The following COMMD5 variants were observed in gnomAD, a reference collection of about 807,000 sequenced individuals.
COMMD5 encodes COMM domain-containing protein 5.
A neutral mutation model predicts 6.9 loss-of-function variants in COMMD5; 10 were observed. The ratio of observed to expected loss-of-function variants is 1.44; its 90% CI spans 0.89 to 2.45. The LOEUF (loss-of-function observed/expected upper bound fraction) is 2.45. Among genes scored for constraint, COMMD5 ranks in the 30% most tolerant of loss-of-function variants. The pLI is 0.00. For synonymous variants in COMMD5, 127 were observed against 125.3 expected (o/e 1.01, Z -0.09); for missense variants, 234 against 287.8 (o/e 0.81, Z 1.35).
chr8:144,838,365 C>T (rs1222733413), downstream of COMMD5: 2 of 544,776 alleles, frequency 3.7e-6, no homozygotes, highest in Non-Finnish European at 6.6e-6. Flanking sequence ...ATCTTGGGGT[C>T]CTCAGCCCTA....
At position 144,850,425 on chromosome 8, in the gene COMMD5, T is replaced by C; in HGVS notation, c.*239A>G. On this transcript the variant is annotated 3_prime_UTR_variant, in exon 2 of 2. Transcript: ENST00000305103. This position sits in a 1 kb window ranked among gnomAD's most constrained non-coding sequence, Gnocchi z 4.0. ...GACAAATGTACAGGGAAGGGGAGGG[T>C]GTGAGGTCCAACACTCACCTATAGA... is the stretch of plus-strand genomic sequence containing the variant. 1 of 493,688 alleles carries C rather than the reference T, an allele frequency of 2.0e-6. No individual in the cohort carries two copies. The highest frequency in any genetic ancestry group is 3.4e-5 in the East Asian group (1 of 29,574). 30.6% of individuals were successfully genotyped at this position (493,688 alleles called of 1,614,324 possible).
rs2735953 is a variant in COMMD5, at chr8:144,843,448, C to T, written c.*117-1705G>A. ...CTAAAAATACAAAAATTTAGCTGGG[C>T]GTGGTGGCAGGCACCTGTGGTCCCA... On this transcript the variant is annotated intron_variant and NMD_transcript_variant, in intron 1 of 1. Coordinates refer to the COMMD5 transcript ENST00000530332. The T allele has an allele frequency of 0.015, 3,783 of 256,802 alleles. 491 individuals carry two copies. In the East Asian group the frequency reaches 0.27, roughly 18 times the overall value. 15.9% of individuals were successfully genotyped at this position (256,802 alleles called of 1,614,324 possible). A position where few individuals can be genotyped will look rare whatever the true frequency, so the allele number is the denominator to read the frequency against.
At chr8:144,841,385 C>A in exon 2 of COMMD5, 1 of 1,611,270 alleles carries the variant, frequency 6.2e-7, no homozygotes, top group Non-Finnish European at 8.5e-7. Context: ...AATGAGCAGG[C>A]CTGTGAGGAC....
At chr8:144,843,118 T>C in intron 1 of COMMD5, 1 of 1,610,482 alleles carries the variant, frequency 6.2e-7, no homozygotes, top group Non-Finnish European at 8.5e-7. Context: ...TGGCAAAGCT[T>C]TTAATCGTAG....
At chr8:144,842,585 G>T in intron 1 of COMMD5, 1 of 1,614,214 alleles carries the variant, frequency 6.2e-7, no homozygotes, top group Non-Finnish European at 8.5e-7. Flanking sequence ...ATCCACACTG[G>T]AGAGAAACCC....
downstream of COMMD5, among the ~76,000 whole-genome samples, chr8:144,840,053 G>T (rs909282): frequency 0.016 from 2,399 of 152,350 alleles, 199 homozygotes; most frequent in East Asian, 0.23. Flanking sequence ...TTGTGCCTCA[G>T]CCTCCCAAGT....
At chr8:144,843,794 T>C (rs988403847) in intron 1 of COMMD5, 1 of 152,090 alleles carries the variant, frequency 6.6e-6, no homozygotes, top group African/African-American at 2.4e-5. Context: ...TTAAAATAAT[T>C]TACCTAAACT....
At position 144,841,465 on chromosome 8, in the gene COMMD5, C is replaced by G; in HGVS notation, c.*395G>C. On this transcript the variant is annotated 3_prime_UTR_variant and NMD_transcript_variant, in exon 2 of 2. Transcript: ENST00000530332. ...CTCCCCACAGGACTTTCCTCAGAATCCTGGCTTTGGAGACGTTTCTGATTC... is the reference window on the plus strand; with the variant it reads ...CTCCCCACAGGACTTTCCTCAGAATGCTGGCTTTGGAGACGTTTCTGATTC... The G allele has an allele frequency of 6.2e-7, 1 of 1,614,234 alleles. No homozygotes were observed. Among genetic ancestry groups the G allele is most frequent in the Non-Finnish European group, 8.5e-7 (1 of 1,180,048 alleles).
downstream of COMMD5, among the ~76,000 whole-genome samples, chr8:144,849,791 C>T (rs1830655219): frequency 6.7e-6 from 1 of 149,324 alleles, no homozygotes; most frequent in Non-Finnish European, 1.5e-5. Flanking sequence ...AGCCTCCTCC[C>T]TTGCACCCCT....
chr8:144,844,735 A>AG (rs1173869850), intron 1 of COMMD5, among the ~76,000 whole-genome samples: 1 of 148,578 alleles, frequency 6.7e-6, no homozygotes, highest in African/African-American at 2.5e-5. Context: ...AAAAAAAAAA[A>AG]ACGAAAATGG....
At chr8:144,843,142 C>T (rs1383229965) in intron 1 of COMMD5, 1 of 1,593,216 alleles carries the variant, frequency 6.3e-7, no homozygotes, top group Non-Finnish European at 8.5e-7. Context: ...AAGGCTTACC[C>T]AGCATCAAAA....
In COMMD5 at chr8:144,852,994, T is replaced by G. The variant is rs1336017608; in HGVS notation, c.-213A>C. 1 of 152,472 alleles carries G rather than the reference T, an allele frequency of 6.6e-6. No individual in the cohort carries two copies. Among genetic ancestry groups the G allele is most frequent in the African/African-American group, 2.4e-5 (1 of 41,450 alleles). 9.4% of individuals were successfully genotyped at this position (152,472 alleles called of 1,614,324 possible). A position where few individuals can be genotyped will look rare whatever the true frequency, so the allele number is the denominator to read the frequency against. ...CGCTGTCCGAGTCGCCCCCAGCACCTGGCGCCGGCAATCCCCGGCTGATGC... is the reference window on the plus strand; with the variant it reads ...CGCTGTCCGAGTCGCCCCCAGCACCGGGCGCCGGCAATCCCCGGCTGATGC... On this transcript the variant is annotated 5_prime_UTR_variant, in exon 1 of 2. Transcript: ENST00000305103.
At chr8:144,843,078 CG>C in intron 1 of COMMD5, 1 of 1,613,340 alleles carries the variant, frequency 6.2e-7, no homozygotes, top group African/African-American at 1.3e-5. Context: ...GAATTCACAC[CG>C]GGGAGAAGCC....
downstream of COMMD5, among the ~76,000 whole-genome samples, chr8:144,849,856 A>C (rs1383671731): frequency 6.7e-6 from 1 of 149,214 alleles, no homozygotes; most frequent in Non-Finnish European, 1.5e-5. Flanking sequence ...AACCCTCAGA[A>C]GGGCTCCTCT....
chr8:144,846,923 C>A (rs1265725985), downstream of COMMD5: 6 of 152,218 alleles, frequency 3.9e-5, no homozygotes, highest in Non-Finnish European at 7.3e-5. Context: ...TGGTCTCGAT[C>A]TTCTGACCTC....
exon 2 of COMMD5, chr8:144,841,164 A>G: frequency 1.6e-6 from 1 of 626,698 alleles, no homozygotes. Context: ...ATGAGTGAAC[A>G]AGGTAAAAAG....
downstream of COMMD5, among the ~76,000 whole-genome samples, chr8:144,848,851 G>A (rs187135113): frequency 3.9e-4 from 59 of 152,184 alleles, no homozygotes; most frequent in East Asian, 9.1e-3. Flanking sequence ...CCCTATACTC[G>A]GGCAGTGCCA....
chr8:144,841,521 T>A, exon 2 of COMMD5: 5 of 1,614,170 alleles, frequency 3.1e-6, no homozygotes, highest in Non-Finnish European at 4.2e-6. Flanking sequence ...ATCTGGGCAG[T>A]CCCGGGCTGA....
chr8:144,840,795 C>G (rs953242403), downstream of COMMD5, among the ~76,000 whole-genome samples: 3 of 152,150 alleles, frequency 2.0e-5, no homozygotes, highest in Non-Finnish European at 4.4e-5. Flanking sequence ...CAGGAGGCAG[C>G]TGAGGGGGCT....
Sources: gnomAD v4.1 joint callset for allele counts (sites outside exome capture counted in the v4.1 genomes callset) on GRCh38, gnomAD v4.1.1 for gene constraint, Gnocchi (gnomAD v3.1) non-coding constraint, MANE v1.5 for transcripts, NCBI Gene and HGNC (gene_info 2026-07-23, HGNC 2026-07-21) for gene names.